Variants in TMEM132D observed in about 807,000 individuals in gnomAD.
TMEM132D encodes the protein transmembrane protein 132D.
A neutral mutation model predicts 62.3 loss-of-function variants in TMEM132D; 21 were observed. That is an observed-to-expected ratio of 0.34 (90% CI 0.24 to 0.49). The LOEUF (loss-of-function observed/expected upper bound fraction) is 0.49, where lower values mean the gene tolerates loss of function less well. Ranked by LOEUF, TMEM132D falls within the 20% of genes least tolerant of loss-of-function variation. The pLI is 0.99. For synonymous variants in TMEM132D, 621 were observed against 575.6 expected, an observed-to-expected ratio of 1.08 and a Z score of -1.13; for missense variants, 1,346 against 1,402.8, an observed-to-expected ratio of 0.96 and a Z score of 0.65.
chr12:129,419,840 G>C (rs887155382), intron 3 of TMEM132D, among the ~76,000 whole-genome samples: 1 of 150,180 alleles, frequency 6.7e-6, no homozygotes, highest in Non-Finnish European at 1.5e-5. Flanking sequence ...GTTATGTTTA[G>C]AGATTTCATA....
At chr12:129,587,522 A>G (rs1878063739) in intron 2 of TMEM132D, among the ~76,000 whole-genome samples, 1 of 152,102 alleles carries the variant, frequency 6.6e-6, no homozygotes, top group South Asian at 2.1e-4. Context: ...ACAACTGCAC[A>G]TGTACCCCTG....
At chr12:129,619,601 T>A (rs1879011015) in intron 2 of TMEM132D, among the ~76,000 whole-genome samples, 1 of 152,206 alleles carries the variant, frequency 6.6e-6, no homozygotes, top group Non-Finnish European at 1.5e-5. Flanking sequence ...CCAAATTGCC[T>A]TCATTTAAAC....
chr12:129,264,540 C>A (rs1880636419), intron 4 of TMEM132D, among the ~76,000 whole-genome samples: 1 of 152,142 alleles, frequency 6.6e-6, no homozygotes, highest in Non-Finnish European at 1.5e-5. Context: ...GCAGAACTAC[C>A]ATTTGATCCA....
intron 2 of TMEM132D, among the ~76,000 whole-genome samples, chr12:129,641,184 T>G (rs1335050406): frequency 1.3e-5 from 2 of 152,206 alleles, no homozygotes; most frequent in Non-Finnish European, 2.9e-5. Flanking sequence ...TAAAACTGGT[T>G]CCTGGTGCCA....
intron 3 of TMEM132D, among the ~76,000 whole-genome samples, chr12:129,407,509 A>G (rs955962337): frequency 2.0e-5 from 3 of 152,178 alleles, no homozygotes; most frequent in Admixed American, 2.0e-4. Context: ...ATGACCTTCA[A>G]TATCACCACT....
chr12:129,442,390 A>C (rs1212950293), intron 3 of TMEM132D, among the ~76,000 whole-genome samples: 1 of 152,216 alleles, frequency 6.6e-6, no homozygotes, highest in African/African-American at 2.4e-5. Flanking sequence ...TTAATGGAGA[A>C]ACGATCCTGG....
chr12:129,264,656 T>A (rs1343413912), intron 4 of TMEM132D, among the ~76,000 whole-genome samples: 1 of 152,166 alleles, frequency 6.6e-6, no homozygotes, highest in Non-Finnish European at 1.5e-5. Flanking sequence ...TGCAAAATCG[T>A]GGAACCAACC....
At chr12:129,357,535 G>A (rs1870109369) in intron 3 of TMEM132D, among the ~76,000 whole-genome samples, 1 of 149,940 alleles carries the variant, frequency 6.7e-6, no homozygotes, top group African/African-American at 2.5e-5. Context: ...GGAAAGAAAG[G>A]AAAGAAAGAA....
In TMEM132D at chr12:129,415,913, T is replaced by C. The variant is rs568282657; in HGVS notation, c.1116-78096A>G. Among the ~76,000 whole-genome samples the C allele has an allele frequency of 2.6e-5, 4 of 152,294 alleles. No individual in the cohort carries two copies. The South Asian group carries it at 6.2e-4, about 24-fold the overall frequency. On this transcript the variant is annotated intron_variant, in intron 3 of 8. Transcript: ENST00000422113. ...GATCTTTGCTCTTCTCTGTTAATCA[T>C]TGGCCATTCTCAGCTTAGAGACACA... is the stretch of plus-strand genomic sequence containing the variant.
At position 129,284,915 on chromosome 12, in the gene TMEM132D, G is replaced by T. The variant is rs1363812781; in HGVS notation, c.1299+52719C>A. 2.0e-5 allele frequency among the ~76,000 whole-genome samples: 3 copies of T among 152,288 alleles called. No homozygotes were observed. In the East Asian group the frequency reaches 5.8e-4, roughly 29 times the overall value. On this transcript the variant is annotated intron_variant, in intron 4 of 8. Coordinates refer to ENST00000422113, the MANE Select transcript of TMEM132D (RefSeq NM_133448.3). ...AGATTGGTGGTGCCAGGGGTAAGGG[G>T]AAGGAGTGGGGAAAGACTGCTAAGG...
intron 1 of TMEM132D, among the ~76,000 whole-genome samples, chr12:129,782,720 G>GT (rs1438608293): frequency 2.0e-5 from 3 of 151,864 alleles, no homozygotes; most frequent in Non-Finnish European, 4.4e-5. Flanking sequence ...ATAAATCCAT[G>GT]TAAGTCACAC....
intron 2 of TMEM132D, among the ~76,000 whole-genome samples, chr12:129,654,016 AC>A (rs1880000421): frequency 6.6e-6 from 1 of 152,182 alleles, no homozygotes; most frequent in African/African-American, 2.4e-5. Context: ...TTGAGGATCT[AC>A]ATAGTTTTGA....
At chr12:129,826,649 G>T (rs938080777) in intron 1 of TMEM132D, among the ~76,000 whole-genome samples, 2 of 152,174 alleles carry the variant, frequency 1.3e-5, no homozygotes, top group African/African-American at 4.8e-5. Flanking sequence ...GCCCCACAGC[G>T]GAAGGCTATT....
chr12:129,775,367 C>T (rs977185327), intron 1 of TMEM132D, among the ~76,000 whole-genome samples: 3 of 152,204 alleles, frequency 2.0e-5, no homozygotes, highest in African/African-American at 7.2e-5. Context: ...CTTGCCCAGT[C>T]TCCTACCAGA....
chr12:129,402,953 T>G (rs1163237238), intron 3 of TMEM132D, among the ~76,000 whole-genome samples: 1 of 152,128 alleles, frequency 6.6e-6, no homozygotes, highest in Non-Finnish European at 1.5e-5. Context: ...AACTTTGACT[T>G]ATGTAAAACA....
chr12:129,190,677 G>C (rs1878371023), intron 5 of TMEM132D, among the ~76,000 whole-genome samples: 3 of 151,642 alleles, frequency 2.0e-5, no homozygotes, highest in African/African-American at 7.3e-5. Flanking sequence ...TATTCCCCTA[G>C]AACATCCAGA....
At chr12:129,809,078 C>A (rs529268418) in intron 1 of TMEM132D, among the ~76,000 whole-genome samples, 1 of 152,188 alleles carries the variant, frequency 6.6e-6, no homozygotes, top group Admixed American at 6.5e-5. Flanking sequence ...GAGGGCAAGG[C>A]GGGTGGATCA....
intron 5 of TMEM132D, among the ~76,000 whole-genome samples, chr12:129,143,448 C>T (rs1387797766): frequency 3.3e-5 from 5 of 152,250 alleles, no homozygotes; most frequent in East Asian, 1.9e-4. Flanking sequence ...AGAAGCTTCA[C>T]GATATCAGCA....
chr12:129,707,516 A>G (rs1220273029), intron 1 of TMEM132D, among the ~76,000 whole-genome samples: 1 of 152,152 alleles, frequency 6.6e-6, no homozygotes, highest in Non-Finnish European at 1.5e-5. Context: ...TGCGCTCTCA[A>G]TTTTTCTATA....
Sources: gnomAD v4.1 joint callset for allele counts (sites outside exome capture counted in the v4.1 genomes callset) on GRCh38, gnomAD v4.1.1 for gene constraint, MANE v1.5 for transcripts, NCBI Gene and HGNC (gene_info 2026-07-23, HGNC 2026-07-21) for gene names.